Variants in TBX4 observed in about 807,000 individuals in gnomAD.
TBX4 encodes T-box transcription factor TBX4.
In TBX4, 13 loss-of-function variants were observed where a neutral mutation model predicts 54.6. The observed-to-expected ratio is 0.24, with a 90% CI of 0.15 to 0.38. TBX4 has a LOEUF of 0.38. Ranked by LOEUF, TBX4 falls within the 10% of genes least tolerant of loss-of-function variation. The pLI, the probability that TBX4 is intolerant of heterozygous loss-of-function variation, is 1.00. For synonymous variants in TBX4, 314 were observed against 306.7 expected (o/e 1.02, Z -0.25); for missense variants, 631 against 728.5 (o/e 0.87, Z 1.54).
rs1352613348 is a variant in TBX4 at position 61,457,079 on chromosome 17, G to A, written c.186+403G>A. ...ACGGGAGCCGCTGCGGGGATCCGAGGCCTCTGGGACGTCGCCGAGGGCTTC... is the reference window on the plus strand; with the variant it reads ...ACGGGAGCCGCTGCGGGGATCCGAGACCTCTGGGACGTCGCCGAGGGCTTC... On this transcript the variant is annotated intron_variant, in intron 2 of 8. Transcript: ENST00000644296. The surrounding 1 kb of genome is among the most constrained non-coding windows in gnomAD (Gnocchi z 8.2). Among the ~76,000 whole-genome samples the A allele has an allele frequency of 6.6e-6, 1 of 152,206 alleles. No homozygotes were observed. Among genetic ancestry groups the A allele is most frequent in the Non-Finnish European group, 1.5e-5 (1 of 68,040 alleles).
At chr17:61,458,594 G>T (rs1297560907) in intron 3 of TBX4, among the ~76,000 whole-genome samples, 1 of 151,988 alleles carries the variant, frequency 6.6e-6, no homozygotes, top group African/African-American at 2.4e-5. Context: ...GACCACGGTG[G>T]GTGAGGGCTG....
chr17:61,482,958 G>A lies in TBX4; in HGVS notation c.1083G>A (p.Ser361=), dbSNP rs200518950. 132 of 1,613,858 alleles carry A rather than the reference G, an allele frequency of 8.2e-5. No individual in the cohort carries two copies. The highest frequency in any genetic ancestry group is 1.0e-4 in the Non-Finnish European group (121 of 1,179,938). The change falls in exon 9 of 9, where the codon TCG becomes TCA. Residue 361 remains serine, a synonymous_variant. Coordinates refer to ENST00000644296, the MANE Select transcript of TBX4 (RefSeq NM_001321120.2). ...GATCCTATCTGGAAGCCCCCTCTTC[G>A]GTGGGGGAGGATCACTATTTCCGTT... The part of the protein sequence containing the change: ...CKRSYLEAPS[S]VGEDHYFRSP...
rs370684273 is a variant in TBX4, at chr17:61,483,150, G to A, written c.1275G>A (p.Ser425=). ...GCTGTAACATGTGGACTTCAGTGTC[G>A]CCGTACACCAGCTATAGCGTGCAGA... ...PLSCNMWTSV[S]PYTSYSVQTM... The change falls in exon 9 of 9, where the codon TCG becomes TCA. Residue 425 remains serine (S), a synonymous_variant. Coordinates refer to ENST00000644296, the MANE Select transcript of TBX4 (RefSeq NM_001321120.2). This position sits in a 1 kb window ranked among gnomAD's most constrained non-coding sequence, Gnocchi z 6.6. 35 of 1,613,942 alleles carry A rather than the reference G, an allele frequency of 2.2e-5. No individual in the cohort carries two copies. Among genetic ancestry groups the A allele is most frequent in the African/African-American group, 9.3e-5 (7 of 74,884 alleles).
intron 1 of TBX4, among the ~76,000 whole-genome samples, chr17:61,453,261 CTG>C (rs1339132412): frequency 6.6e-6 from 1 of 152,156 alleles, no homozygotes; most frequent in African/African-American, 2.4e-5. Flanking sequence ...AATGTAAGGA[CTG>C]TTTATTAAAA....
chr17:61,471,904 T>A (rs939976043), intron 5 of TBX4, among the ~76,000 whole-genome samples: 3 of 144,296 alleles, frequency 2.1e-5, no homozygotes, highest in South Asian at 2.2e-4. Flanking sequence ...TTTTTTTTTT[T>A]TTTTTTTTTT....
At position 61,476,013 on chromosome 17, in the gene TBX4, G is replaced by A. The variant is rs950177862; in HGVS notation, c.550-2614G>A. On this transcript the variant is annotated intron_variant, in intron 5 of 8. Transcript: ENST00000644296. The surrounding 1 kb of genome is among the most constrained non-coding windows in gnomAD (Gnocchi z 6.5). ...GGAGGGGACTTGCCCACGTTCCCAC[G>A]GAGGGTTTGTGGTCGTGGCCCAGAT... Among the ~76,000 whole-genome samples, 5 of 152,130 alleles carry A rather than the reference G, an allele frequency of 3.3e-5. No homozygotes were observed. The highest frequency in any genetic ancestry group is 7.2e-5 in the African/African-American group (3 of 41,426).
chr17:61,452,799 C>T (rs941032166), intron 1 of TBX4: 3 of 601,162 alleles, frequency 5.0e-6, no homozygotes, highest in Admixed American at 6.3e-5. Context: ...AGTTGGGGCA[C>T]GAGCCCTCCT....
At position 61,464,581 on chromosome 17, in the gene TBX4, T is replaced by C. The variant is rs2060522127; in HGVS notation, c.282-1238T>C. On this transcript the variant is annotated intron_variant, in intron 3 of 8. Coordinates refer to ENST00000644296, the MANE Select transcript of TBX4 (RefSeq NM_001321120.2). This position sits in a 1 kb window ranked among gnomAD's most constrained non-coding sequence, Gnocchi z 5.8. ...GGCAGTGGCACAGCTCAGTGGGGCT[T>C]AGTGTCTTCACTGTGTCTTCAGCTA... 6.6e-6 allele frequency among the ~76,000 whole-genome samples: 1 copy of C among 152,190 alleles called. No individual in the cohort carries two copies. Among genetic ancestry groups the C allele is most frequent in the African/African-American group, 2.4e-5 (1 of 41,450 alleles).
Position 61,457,679 on chromosome 17 carries a change from G to C in TBX4, c.281+48G>C. The C allele has an allele frequency of 6.3e-7, 1 of 1,586,270 alleles. No individual in the cohort carries two copies. The highest frequency in any genetic ancestry group is 8.6e-7 in the Non-Finnish European group (1 of 1,156,558). On this transcript the variant is annotated intron_variant, in intron 3 of 8. Transcript: ENST00000644296. This position sits in a 1 kb window ranked among gnomAD's most constrained non-coding sequence, Gnocchi z 8.2. The stretch of plus-strand genomic sequence containing the variant: ...CCGGGGATGGCGGTGGGGAGCAAGG[G>C]GGGCCAGGGAGGTCCCTTAGAAGTC...
rs149977669 is a variant in TBX4, at chr17:61,483,613, A to AGTGTGT, written c.*132_*137dup. ...ACCAAGAAACACAGGAAGGTATTCC[A>AGTGTGT]GTGTGTGTGTGTGTGTGTGTGTGTG... On this transcript the variant is annotated 3_prime_UTR_variant, in exon 9 of 9. Coordinates refer to ENST00000644296, the MANE Select transcript of TBX4 (RefSeq NM_001321120.2). The surrounding 1 kb of genome is among the most constrained non-coding windows in gnomAD (Gnocchi z 6.6). 20,617 of 777,940 alleles carry AGTGTGT rather than the reference A, an allele frequency of 0.027. 165 individuals are homozygous for AGTGTGT. The highest frequency in any genetic ancestry group is 0.065 in the African/African-American group (3,301 of 50,692). 48.2% of individuals were successfully genotyped at this position (777,940 alleles called of 1,614,324 possible).
chr17:61,456,159 T>C (rs916098535), intron 1 of TBX4, among the ~76,000 whole-genome samples: 1 of 152,062 alleles, frequency 6.6e-6, no homozygotes, highest in Non-Finnish European at 1.5e-5. Flanking sequence ...CCACCGGAGC[T>C]CAGTAGGAGT....
In TBX4 at chr17:61,462,729, C is replaced by G. The variant is rs1442689408; in HGVS notation, c.282-3090C>G. On this transcript the variant is annotated intron_variant, in intron 3 of 8. Transcript: ENST00000644296. The surrounding 1 kb of genome is among the most constrained non-coding windows in gnomAD (Gnocchi z 4.5). ...CACCTCCCCCACCCCAACACACAAA[C>G]AGGGAGGCGTTGCTTTCCACCGTAG... is the stretch of plus-strand genomic sequence containing the variant. 1.3e-5 allele frequency: 2 copies of G among 152,150 alleles called. No individual in the cohort carries two copies. Among genetic ancestry groups the G allele is most frequent in the Non-Finnish European group, 1.5e-5 (1 of 68,076 alleles). 9.4% of individuals were successfully genotyped at this position (152,150 alleles called of 1,614,324 possible).
At position 61,479,562 on chromosome 17, in the gene TBX4, G is replaced by A. The variant is rs3785822; in HGVS notation, c.703-319G>A. On this transcript the variant is annotated intron_variant, in intron 6 of 8. Coordinates refer to ENST00000644296, the MANE Select transcript of TBX4 (RefSeq NM_001321120.2). This position sits in a 1 kb window ranked among gnomAD's most constrained non-coding sequence, Gnocchi z 6.1. The stretch of plus-strand genomic sequence containing the variant: ...CATGGGGACAGAAGCCCGGCAGTGC[G>A]GAGGGCTGGGGAGCAGGAGAAAGAA... Among the ~76,000 whole-genome samples, 23,806 of 152,136 alleles carry A rather than the reference G, an allele frequency of 0.16. 2,028 individuals carry two copies. Among genetic ancestry groups the A allele is most frequent in the Middle Eastern group, 0.23 (68 of 294 alleles).
In TBX4 at chr17:61,464,986, A is replaced by G. The variant is rs1357641460; in HGVS notation, c.282-833A>G. On this transcript the variant is annotated intron_variant, in intron 3 of 8. Transcript: ENST00000644296. The surrounding 1 kb of genome is among the most constrained non-coding windows in gnomAD (Gnocchi z 5.8). ...AGCAGGGGTCCGTGGTAATTCACGC[A>G]GCAATCTATGAGATAGGTGGTAATG... Among the ~76,000 whole-genome samples the G allele has an allele frequency of 6.6e-6, 1 of 152,210 alleles. No individual in the cohort carries two copies. The highest frequency in any genetic ancestry group is 1.9e-4 in the East Asian group (1 of 5,198).
rs1236979033 is a variant in TBX4, at chr17:61,477,058, T to C, written c.550-1569T>C. On this transcript the variant is annotated intron_variant, in intron 5 of 8. Transcript: ENST00000644296. Reference sequence around the variant, plus strand: ...CAGCGTCAGTACCAGGTCCCATCCCTGGGAACCTAGAAGGGTGGCAGCCCA... The same window carrying C: ...CAGCGTCAGTACCAGGTCCCATCCCCGGGAACCTAGAAGGGTGGCAGCCCA... Among the ~76,000 whole-genome samples the C allele has an allele frequency of 4.6e-5, 7 of 152,332 alleles. No individual in the cohort carries two copies. In the East Asian group the frequency reaches 1.4e-3, roughly 29 times the overall value.
At position 61,459,592 on chromosome 17, in the gene TBX4, T is replaced by A. The variant is rs74759034; in HGVS notation, c.281+1961T>A. On this transcript the variant is annotated intron_variant, in intron 3 of 8. Coordinates refer to ENST00000644296, the MANE Select transcript of TBX4 (RefSeq NM_001321120.2). The surrounding 1 kb of genome is among the most constrained non-coding windows in gnomAD (Gnocchi z 4.8). ...CTCAGTAGTGTTTCCTGCATCTGCATGGGTCCTCCTCCTCCCTCTCCCAAC... is the reference window on the plus strand; with the variant it reads ...CTCAGTAGTGTTTCCTGCATCTGCAAGGGTCCTCCTCCTCCCTCTCCCAAC... Among the ~76,000 whole-genome samples the A allele has an allele frequency of 4.0e-3, 609 of 152,358 alleles. 5 individuals carry two copies. The highest frequency in any genetic ancestry group is 0.013 in the African/African-American group (555 of 41,592).
At chr17:61,468,724 ACTTAT>A (rs1286908454) in intron 5 of TBX4, among the ~76,000 whole-genome samples, 4 of 152,202 alleles carry the variant, frequency 2.6e-5, no homozygotes, top group Non-Finnish European at 4.4e-5. Flanking sequence ...TCAACTCCTG[ACTTAT>A]CTTATCTGGT....
chr17:61,466,415 A>G (rs1393035310), intron 4 of TBX4, among the ~76,000 whole-genome samples: 2 of 152,164 alleles, frequency 1.3e-5, no homozygotes, highest in African/African-American at 4.8e-5. Flanking sequence ...AGCCATCCAG[A>G]CGAAGTGAGG....
rs892295407 is a variant in TBX4, at chr17:61,479,285, C to A, written c.702+506C>A. Among the ~76,000 whole-genome samples, 2 of 152,126 alleles carry A rather than the reference C, an allele frequency of 1.3e-5. No homozygotes were observed. Among genetic ancestry groups the A allele is most frequent in the Non-Finnish European group, 2.9e-5 (2 of 68,024 alleles). On this transcript the variant is annotated intron_variant, in intron 6 of 8. Transcript: ENST00000644296. This position sits in a 1 kb window ranked among gnomAD's most constrained non-coding sequence, Gnocchi z 6.1. ...CTACTGCCCTCCCCAGCCCGGCCAC[C>A]CCCACTGCATCCCAGTCACTGACAG...
Sources: allele counts gnomAD v4.1 joint callset (sites outside exome capture counted in the v4.1 genomes callset), GRCh38; gene constraint gnomAD v4.1.1; non-coding constraint Gnocchi (gnomAD v3.1); transcripts MANE v1.5; gene names NCBI Gene and HGNC (gene_info 2026-07-23, HGNC 2026-07-21).